The following RBM20 variants were observed in gnomAD, a reference collection of about 807,000 sequenced individuals.
RBM20 encodes the protein RNA binding motif protein 20, also known as RNA-binding protein 20.
Under a neutral mutation model 110.1 loss-of-function variants are expected in RBM20, and 51 were observed. That is an observed-to-expected ratio of 0.46 (90% confidence interval 0.37 to 0.59). The LOEUF (loss-of-function observed/expected upper bound fraction) is 0.59. Ranked by LOEUF, RBM20 falls within the 20% of genes least tolerant of loss-of-function variation. RBM20 has a pLI of 0.00. For missense variants in RBM20, 1,512 were observed against 1,574.9 expected, an observed-to-expected ratio of 0.96 and a Z score of 0.68; for synonymous variants, 589 against 618.2, an observed-to-expected ratio of 0.95 and a Z score of 0.70.
intron 1 of RBM20, among the ~76,000 whole-genome samples, chr10:110,711,329 C>CA (rs1157753270): frequency 0.49 from 13,781 of 28,370 alleles, 5,354 homozygotes; most frequent in East Asian, 0.92. Context: ...GACTCCATCT[C>CA]AAAAAAAAAA....
intron 1 of RBM20, among the ~76,000 whole-genome samples, chr10:110,734,201 T>C (rs1213802466): frequency 6.6e-6 from 1 of 152,210 alleles, no homozygotes; most frequent in Non-Finnish European, 1.5e-5. Flanking sequence ...TAGAGTGTGA[T>C]AAGAGGGTCT....
chr10:110,783,148 T>C (rs145284279), intron 2 of RBM20, among the ~76,000 whole-genome samples: 3 of 152,032 alleles, frequency 2.0e-5, no homozygotes, highest in African/African-American at 7.2e-5. Flanking sequence ...GCATGAGATG[T>C]ATGGATGAGG....
intron 9 of RBM20, among the ~76,000 whole-genome samples, chr10:110,818,174 C>T (rs372110180): frequency 1.1e-4 from 16 of 151,118 alleles, no homozygotes; most frequent in African/African-American, 3.9e-4. Context: ...ACCTGTAATC[C>T]CAGTTACTTG....
Position 110,838,770 on chromosome 10 carries a change from G to A in RBM20, c.*2792G>A, listed in dbSNP as rs1845167733. On this transcript the variant is annotated 3_prime_UTR_variant, in exon 14 of 14. Transcript: ENST00000369519. ...AGGGAGAGCCCCTGGGAGGGAGAGA[G>A]ATAAGGCGCTATCTGCCTTCAATCA... The A allele has an allele frequency of 6.6e-6, 1 of 152,070 alleles. No individual in the cohort carries two copies. The highest frequency in any genetic ancestry group is 1.5e-5 in the Non-Finnish European group (1 of 68,034). The allele number at this position is 152,070 out of a possible 1,614,324, so 9.4% of individuals were successfully genotyped here.
At chr10:110,827,957 G>A (rs182146396) in intron 12 of RBM20, 4 of 152,328 alleles carry the variant, frequency 2.6e-5, no homozygotes, top group East Asian at 1.9e-4. Context: ...GGCCAGTCGC[G>A]TTGCTCGGGG....
At chr10:110,709,953 C>G (rs375455506) in intron 1 of RBM20, among the ~76,000 whole-genome samples, 4 of 152,028 alleles carry the variant, frequency 2.6e-5, no homozygotes, top group African/African-American at 2.4e-5. Context: ...TTTTTTAAAA[C>G]CTTTGTCCCT....
intron 1 of RBM20, among the ~76,000 whole-genome samples, chr10:110,768,144 C>G (rs1452117282): frequency 6.6e-6 from 1 of 152,214 alleles, no homozygotes; most frequent in Non-Finnish European, 1.5e-5. Context: ...GCAGGAGAAT[C>G]AGGCAGGGAG....
At chr10:110,727,395 G>A (rs1186757015) in intron 1 of RBM20, among the ~76,000 whole-genome samples, 22 of 75,010 alleles carry the variant, frequency 2.9e-4, no homozygotes, top group South Asian at 9.2e-4. Flanking sequence ...TAAAAAGTCC[G>A]TCTCAAAAAA....
chr10:110,834,027 G>C (rs1845092013), intron 13 of RBM20, among the ~76,000 whole-genome samples: 1 of 152,368 alleles, frequency 6.6e-6, no homozygotes, highest in African/African-American at 2.4e-5. Flanking sequence ...GCAGGGAGCA[G>C]GTTGAAGGAG....
At chr10:110,797,045 C>T (rs921280668) in intron 5 of RBM20, among the ~76,000 whole-genome samples, 2 of 152,158 alleles carry the variant, frequency 1.3e-5, no homozygotes, top group East Asian at 3.8e-4. Context: ...AGTATATTCT[C>T]AAAAGTTTAC....
Position 110,820,116 on chromosome 10 carries a change from A to G in RBM20, c.2595A>G (p.Ser865=). The G allele has an allele frequency of 1.3e-6, 2 of 1,551,458 alleles. No homozygotes were observed. Among genetic ancestry groups the G allele is most frequent in the African/African-American group, 1.4e-5 (1 of 73,172 alleles). ...AGGGCATGGAAGAAAGCCCTCAATC[A>G]GTGGGCAGACAGGAGAAAGAAGCAG... The part of the protein sequence containing the change: ...EQEGMEESPQ[S]VGRQEKEAEF... Residue 865 remains serine, a synonymous_variant, in exon 10 of 14, where the codon TCA becomes TCG. Coordinates refer to ENST00000369519, the MANE Select transcript of RBM20 (RefSeq NM_001134363.3).
intron 1 of RBM20, among the ~76,000 whole-genome samples, chr10:110,770,032 A>G (rs924634368): frequency 1.3e-5 from 2 of 152,042 alleles, no homozygotes; most frequent in African/African-American, 4.8e-5. Flanking sequence ...CTCACTATAC[A>G]TTCTTAGGGT....
At chr10:110,683,686 A>G (rs1317153746) in intron 1 of RBM20, among the ~76,000 whole-genome samples, 1 of 152,274 alleles carries the variant, frequency 6.6e-6, no homozygotes, top group African/African-American at 2.4e-5. Flanking sequence ...TGGAGAGCCA[A>G]TCAAGACTTC....
At chr10:110,777,055 G>A (rs1407035894) in intron 1 of RBM20, among the ~76,000 whole-genome samples, 2 of 152,168 alleles carry the variant, frequency 1.3e-5, no homozygotes, top group Non-Finnish European at 2.9e-5. Flanking sequence ...AGATTCTGAT[G>A]AGCCATACCC....
intron 5 of RBM20, among the ~76,000 whole-genome samples, chr10:110,788,354 G>A (rs1031364397): frequency 2.0e-5 from 3 of 152,184 alleles, no homozygotes; most frequent in African/African-American, 7.2e-5. Context: ...TCTGCACCCT[G>A]ACAGCATCTG....
chr10:110,782,332 T>C (rs142039609), intron 2 of RBM20, among the ~76,000 whole-genome samples: 70 of 152,266 alleles, frequency 4.6e-4, no homozygotes, highest in African/African-American at 1.5e-3. Context: ...CCTTGGGACC[T>C]AGACAAATTA....
chr10:110,835,145 G>C (rs1391101102), intron 13 of RBM20: 1 of 152,056 alleles, frequency 6.6e-6, no homozygotes, highest in Non-Finnish European at 1.5e-5. Context: ...CCCTCCCTCT[G>C]CCTTTTAAGC....
At chr10:110,723,838 G>C (rs1453833157) in intron 1 of RBM20, among the ~76,000 whole-genome samples, 1 of 152,204 alleles carries the variant, frequency 6.6e-6, no homozygotes, top group Admixed American at 6.5e-5. Flanking sequence ...CTCTGTGGCA[G>C]TGCACAGGGA....
intron 12 of RBM20, among the ~76,000 whole-genome samples, chr10:110,829,199 G>A (rs905102186): frequency 6.6e-6 from 1 of 152,214 alleles, no homozygotes; most frequent in Admixed American, 6.5e-5. Flanking sequence ...CAGAGCAGCA[G>A]CAGAGGGAAA....
Sources: gnomAD v4.1 joint callset for allele counts (sites outside exome capture counted in the v4.1 genomes callset) on GRCh38, gnomAD v4.1.1 for gene constraint, MANE v1.5 for transcripts, NCBI Gene and HGNC (gene_info 2026-07-23, HGNC 2026-07-21) for gene names.